PIEZO2: variants seen among roughly 807,000 people sequenced by gnomAD.
PIEZO2 encodes piezo-type mechanosensitive ion channel component 2.
A neutral mutation model predicts 337.3 loss-of-function variants in PIEZO2; 172 were observed. That is an observed-to-expected ratio of 0.51 (90% confidence interval 0.45 to 0.58). PIEZO2 has a LOEUF of 0.58. Ranked by LOEUF, PIEZO2 falls within the 20% of genes least tolerant of loss-of-function variation. PIEZO2 has a pLI of 0.00. For missense variants in PIEZO2, 3,028 were observed against 3,391.3 expected (o/e 0.89, Z 2.66); for synonymous variants, 1,251 against 1,228.5 (o/e 1.02, Z -0.38).
rs2036950971 is a variant in PIEZO2 at position 10,735,263 on chromosome 18, G to C, written c.4883C>G (p.Thr1628Ser). Residue 1628 changes from threonine to serine, a missense_variant, in exon 35 of 56, where the codon ACT becomes AGT. Physicochemically the swap from Thr to Ser is moderately conservative, Grantham distance 58 (BLOSUM62 1). Around this residue, in one of 5 missense-constraint regions of PIEZO2, gnomAD observed 1,925 missense variants for 2,051.9 expected, o/e 0.94. Transcript: ENST00000674853. ...AGCTCTGATTAAATACTGAAGAATA[G>C]TTTTGGGAAGTTTAATGACAGACTT... The part of the protein sequence containing the change: ...LPKSVIKLPK[T>S]ILQYLIRAAK... Among the ~76,000 whole-genome samples the C allele has an allele frequency of 6.6e-6, 1 of 152,186 alleles. No homozygotes were observed. The highest frequency in any genetic ancestry group is 2.1e-4 in the South Asian group (1 of 4,822).
chr18:10,767,248 C>A lies in PIEZO2; in HGVS notation c.2946+2900G>T, dbSNP rs111589252. Among the ~76,000 whole-genome samples the A allele has an allele frequency of 1.7e-4, 26 of 152,296 alleles. No homozygotes were observed. The highest frequency in any genetic ancestry group is 6.3e-4 in the African/African-American group (26 of 41,554). On this transcript the variant is annotated intron_variant, in intron 21 of 55. Coordinates refer to ENST00000674853, the MANE Select transcript of PIEZO2 (RefSeq NM_001378183.1). This position sits in a 1 kb window ranked among gnomAD's most constrained non-coding sequence, Gnocchi z 4.2. ...AGCAGTGTCACTCCTGAATAAGATG[C>A]TGATGGAAAATAAAGGTTTCTCTGT...
rs1555714750 is a variant in PIEZO2, at chr18:11,106,418, C to CTCT, written c.65-40197_65-40196insAGA. Among the ~76,000 whole-genome samples, 198 of 129,602 alleles carry CTCT rather than the reference C, an allele frequency of 1.5e-3. 1 individual carries two copies. Among genetic ancestry groups the CTCT allele is most frequent in the African/African-American group, 5.9e-3 (188 of 31,836 alleles). The allele number at this position is 129,602 out of a possible 152,430, so 85.0% of individuals were successfully genotyped here. A position where few individuals can be genotyped will look rare whatever the true frequency, so the allele number is the denominator to read the frequency against. On this transcript the variant is annotated intron_variant, in intron 1 of 55. Transcript: ENST00000674853. Reference sequence around the variant, plus strand: ...CGGCCCATTTTTTTCTTTCCTCTCTCTTTTTTTTTTTTTTTTTCTGAGACA... The same window carrying CTCT: ...CGGCCCATTTTTTTCTTTCCTCTCTCTCTTTTTTTTTTTTTTTTTTCTGAGACA...
chr18:10,843,903 T>C (rs890454442), intron 7 of PIEZO2, among the ~76,000 whole-genome samples: 4 of 152,220 alleles, frequency 2.6e-5, no homozygotes, highest in African/African-American at 9.6e-5. Flanking sequence ...TTGCTGAGCT[T>C]CCAAACCTCT....
At chr18:10,696,051 C>T (rs2035067165) in intron 47 of PIEZO2, 23 bp downstream of exon 47, 1 of 1,597,532 alleles carries the variant, frequency 6.3e-7, no homozygotes, top group Admixed American at 1.7e-5. Flanking sequence ...CAGGTTGGTG[C>T]CTCTGGCTTC....
Position 10,748,739 on chromosome 18 carries a change from A to AGAATGCTGCTT in PIEZO2, c.4265-110_4265-109insAAGCAGCATTC. 5 of 1,011,994 alleles carry AGAATGCTGCTT rather than the reference A, an allele frequency of 4.9e-6. No homozygotes were observed. The highest frequency in any genetic ancestry group is 6.9e-6 in the Non-Finnish European group (5 of 726,296). 62.7% of individuals were successfully genotyped at this position (1,011,994 alleles called of 1,614,324 possible). A position where few individuals can be genotyped will look rare whatever the true frequency, so the allele number is the denominator to read the frequency against. ...TGGGAAATATAGGCATAAAAGCAGC[A>AGAATGCTGCTT]TTCTGATGCTCTGACTTACTTATGA... On this transcript the variant is annotated intron_variant, in intron 29 of 55. Transcript: ENST00000674853. This position sits in a 1 kb window ranked among gnomAD's most constrained non-coding sequence, Gnocchi z 5.1.
chr18:10,691,208 G>T lies in PIEZO2; in HGVS notation c.7349+17C>A, dbSNP rs573528906. 6 of 1,609,414 alleles carry T rather than the reference G, an allele frequency of 3.7e-6. No homozygotes were observed. The South Asian group carries it at 4.4e-5, about 12-fold the overall frequency. ...TTCTTCCCCCATAAGTGACTGTGAC[G>T]TTGCAGAGCGTCCTACCCTTGGAAT... On this transcript the variant is annotated intron_variant, in intron 48 of 55. Transcript: ENST00000674853.
chr18:11,136,213 A>G (rs1291798217), intron 1 of PIEZO2, among the ~76,000 whole-genome samples: 1 of 152,256 alleles, frequency 6.6e-6, no homozygotes, highest in Admixed American at 6.5e-5. Flanking sequence ...GCACTGGGTC[A>G]GAAATGCAGT....
rs1225751568 is a variant in PIEZO2, at chr18:10,821,626, G to A, written c.918-14352C>T. On this transcript the variant is annotated intron_variant, in intron 7 of 55. Coordinates refer to ENST00000674853, the MANE Select transcript of PIEZO2 (RefSeq NM_001378183.1). This position sits in a 1 kb window ranked among gnomAD's most constrained non-coding sequence, Gnocchi z 4.2. ...ACCTCATTTCAGATACAACCTAGAA[G>A]TTTTCCAGGTTGCTGGAACCAGGAA... Among the ~76,000 whole-genome samples the A allele has an allele frequency of 6.6e-6, 1 of 151,966 alleles. No individual in the cohort carries two copies. Among genetic ancestry groups the A allele is most frequent in the African/African-American group, 2.4e-5 (1 of 41,362 alleles).
rs1327686899 is a variant in PIEZO2, at chr18:10,682,868, G to A, written c.7498-576C>T. ...GCTGTAGGGAGTGGGGAGAGGGCAG[G>A]TGCGTGTTGCAGGGGCTCACTCTCC... On this transcript the variant is annotated intron_variant, in intron 49 of 55. Transcript: ENST00000674853. This position sits in a 1 kb window ranked among gnomAD's most constrained non-coding sequence, Gnocchi z 5.6. Among the ~76,000 whole-genome samples, 2 of 152,184 alleles carry A rather than the reference G, an allele frequency of 1.3e-5. No individual in the cohort carries two copies. Among genetic ancestry groups the A allele is most frequent in the African/African-American group, 4.8e-5 (2 of 41,446 alleles).
In PIEZO2 at chr18:10,821,486, A is replaced by G. The variant is rs2040519392; in HGVS notation, c.918-14212T>C. Among the ~76,000 whole-genome samples, 1 of 152,222 alleles carries G rather than the reference A, an allele frequency of 6.6e-6. No homozygotes were observed. The highest frequency in any genetic ancestry group is 1.5e-5 in the Non-Finnish European group (1 of 68,044). On this transcript the variant is annotated intron_variant, in intron 7 of 55. Coordinates refer to ENST00000674853, the MANE Select transcript of PIEZO2 (RefSeq NM_001378183.1). This position sits in a 1 kb window ranked among gnomAD's most constrained non-coding sequence, Gnocchi z 4.2. ...AGTAGAATGTTCTGATTAAAACAATATTTTTATCAAAGGCTTACTATATAT... is the reference window on the plus strand; with the variant it reads ...AGTAGAATGTTCTGATTAAAACAATGTTTTTATCAAAGGCTTACTATATAT...
At position 10,677,101 on chromosome 18, in the gene PIEZO2, G is replaced by T. The variant is rs2034042814; in HGVS notation, c.8081+646C>A. ...ACAGCCACTCTGCAGACTGAAGACA[G>T]ACCTGGAAGAATAATGTCTGTCTCA... On this transcript the variant is annotated intron_variant, in intron 53 of 55. Coordinates refer to ENST00000674853, the MANE Select transcript of PIEZO2 (RefSeq NM_001378183.1). The surrounding 1 kb of genome is among the most constrained non-coding windows in gnomAD (Gnocchi z 4.1). 6.6e-6 allele frequency among the ~76,000 whole-genome samples: 1 copy of T among 152,228 alleles called. No individual in the cohort carries two copies. Among genetic ancestry groups the T allele is most frequent in the Non-Finnish European group, 1.5e-5 (1 of 68,034 alleles).
intron 2 of PIEZO2, among the ~76,000 whole-genome samples, chr18:11,046,528 A>C (rs1314791170): frequency 6.6e-6 from 1 of 152,208 alleles, no homozygotes; most frequent in Non-Finnish European, 1.5e-5. Flanking sequence ...GTCAGCTAAC[A>C]AGTAATTGTG....
intron 36 of PIEZO2, among the ~76,000 whole-genome samples, chr18:10,722,608 T>C (rs905793505): frequency 8.6e-5 from 13 of 151,926 alleles, no homozygotes; most frequent in Non-Finnish European, 1.6e-4. Flanking sequence ...AGAAAAAAAA[T>C]AAAAATTGCT....
chr18:11,062,418 T>C (rs1022186412), intron 2 of PIEZO2, among the ~76,000 whole-genome samples: 1 of 152,156 alleles, frequency 6.6e-6, no homozygotes, highest in South Asian at 2.1e-4. Context: ...TGGGATCTAA[T>C]TTAACTAAAG....
At chr18:10,789,037 T>C (rs1338655420) in intron 15 of PIEZO2, 42 bp downstream of exon 15, 2 of 1,506,822 alleles carry the variant, frequency 1.3e-6, no homozygotes, top group Admixed American at 2.0e-5. Flanking sequence ...TGTATACTCC[T>C]GGGAGAGATG....
chr18:10,950,176 C>A (rs1406237465), intron 3 of PIEZO2, among the ~76,000 whole-genome samples: 1 of 152,078 alleles, frequency 6.6e-6, no homozygotes, highest in Non-Finnish European at 1.5e-5. Flanking sequence ...TAACTCCAGC[C>A]AAGGGGTTAG....
Position 11,105,717 on chromosome 18 carries a change from A to G in PIEZO2, c.65-39495T>C, listed in dbSNP as rs1196836077. Among the ~76,000 whole-genome samples the G allele has an allele frequency of 6.6e-6, 1 of 152,182 alleles. No homozygotes were observed. The highest frequency in any genetic ancestry group is 6.5e-5 in the Admixed American group (1 of 15,278). ...GCCTGAGCTGGGGAATGTTTCATGA[A>G]TGCTAGTGCTGCTTGAGGCTTGACT... On this transcript the variant is annotated intron_variant, in intron 1 of 55. Coordinates refer to ENST00000674853, the MANE Select transcript of PIEZO2 (RefSeq NM_001378183.1). The surrounding 1 kb of genome is among the most constrained non-coding windows in gnomAD (Gnocchi z 4.3).
intron 2 of PIEZO2, among the ~76,000 whole-genome samples, chr18:10,991,157 C>T (rs915674473): frequency 2.6e-5 from 3 of 114,172 alleles, no homozygotes; most frequent in African/African-American, 1.2e-4. Flanking sequence ...AGGTTTTATA[C>T]ACACACACAC....
chr18:10,820,217 C>T (rs1286296998), intron 7 of PIEZO2, among the ~76,000 whole-genome samples: 1 of 151,942 alleles, frequency 6.6e-6, no homozygotes, highest in African/African-American at 2.4e-5. Context: ...TTATATTTTT[C>T]AACAAATTTG....
Sources: gnomAD v4.1 joint callset for allele counts (sites outside exome capture counted in the v4.1 genomes callset) on GRCh38, gnomAD v4.1.1 for gene constraint, gnomAD v4.1.1 regional missense constraint, Gnocchi (gnomAD v3.1) non-coding constraint, MANE v1.5 for transcripts, NCBI Gene and HGNC (gene_info 2026-07-23, HGNC 2026-07-21) for gene names.